The following BST1 variants were observed in gnomAD, a reference collection of about 807,000 sequenced individuals.
BST1 encodes bone marrow stromal cell antigen 1, also known as ADP-ribosyl cyclase/cyclic ADP-ribose hydrolase 2.
BST1 carries 49 observed loss-of-function variants against 40.6 expected under a neutral mutation model. The observed-to-expected ratio is 1.21, with a 90% CI of 0.96 to 1.53. The LOEUF is 1.53. Ranked by LOEUF, BST1 falls within the 40% of genes most tolerant of loss-of-function variation. The pLI is 0.00. For missense variants in BST1, 423 were observed against 395.9 expected, an observed-to-expected ratio of 1.07 and a Z score of -0.58; for synonymous variants, 157 against 159.3, an observed-to-expected ratio of 0.99 and a Z score of 0.11.
At chr4:15,729,929 G>A (rs1261370034) in intron 8 of BST1, among the ~76,000 whole-genome samples, 3 of 152,140 alleles carry the variant, frequency 2.0e-5, no homozygotes, top group Non-Finnish European at 4.4e-5. Flanking sequence ...AAAAGATGAA[G>A]GGAGGCTGTC....
the BST1 span, among the ~76,000 whole-genome samples, chr4:15,763,577 GA>G: frequency 6.6e-6 from 1 of 151,762 alleles, no homozygotes; most frequent in Non-Finnish European, 1.5e-5. Context: ...ACTTTGCTTT[GA>G]TTACTAATTA....
chr4:15,767,947 T>C, the BST1 span, among the ~76,000 whole-genome samples: 1 of 152,208 alleles, frequency 6.6e-6, no homozygotes, highest in African/African-American at 2.4e-5. Flanking sequence ...AGACTTCCTC[T>C]TGGCTCCCAG....
At chr4:15,739,915 C>CATTG (rs960610261), downstream of BST1, among the ~76,000 whole-genome samples, 10 of 151,180 alleles carry the variant, frequency 6.6e-5, no homozygotes, top group African/African-American at 2.4e-4. Flanking sequence ...GAGAGGGAGA[C>CATTG]ATTGACAGAG....
chr4:15,770,644 G>A, the BST1 span, among the ~76,000 whole-genome samples: 1 of 152,122 alleles, frequency 6.6e-6, no homozygotes, highest in African/African-American at 2.4e-5. Context: ...AGGTTGCGGT[G>A]AGCCGAGATT....
chr4:15,712,347 G>C (rs992811174), intron 4 of BST1, among the ~76,000 whole-genome samples: 1 of 152,158 alleles, frequency 6.6e-6, no homozygotes, highest in Admixed American at 6.5e-5. Context: ...ACACAGAAAT[G>C]GTCCCCTGAA....
the BST1 span, among the ~76,000 whole-genome samples, chr4:15,748,103 T>G: frequency 6.6e-6 from 1 of 152,332 alleles, no homozygotes; most frequent in Admixed American, 6.5e-5. Context: ...GAGAGTACCC[T>G]TTTATCAACT....
At chr4:15,738,547 T>C (rs1396327323), downstream of BST1, among the ~76,000 whole-genome samples, 1 of 152,070 alleles carries the variant, frequency 6.6e-6, no homozygotes, top group East Asian at 1.9e-4. Flanking sequence ...GATTTAAAAA[T>C]ATATGTTGGA....
chr4:15,768,169 C>T, the BST1 span, among the ~76,000 whole-genome samples: 8 of 152,216 alleles, frequency 5.3e-5, no homozygotes, highest in African/African-American at 1.9e-4. Context: ...AGTGATGCCA[C>T]TGAGATGCTG....
intron 6 of BST1, 36 bp from the exon 7 acceptor site, chr4:15,718,871 T>C (rs754971020): frequency 1.3e-6 from 2 of 1,572,810 alleles, no homozygotes; most frequent in Non-Finnish European, 1.7e-6. Flanking sequence ...CTCCTCTTAT[T>C]TGCTTACTTT....
chr4:15,707,680 G>A (rs779289665), intron 3 of BST1, 34 bp downstream of exon 3: 3 of 1,610,888 alleles, frequency 1.9e-6, no homozygotes, highest in South Asian at 1.1e-5. Context: ...GGAGACTTAA[G>A]AACTCCTATT....
In BST1 at chr4:15,711,387, T is replaced by G. The variant is rs528994340; in HGVS notation, c.452-420T>G. 3.0e-4 allele frequency among the ~76,000 whole-genome samples: 45 copies of G among 152,354 alleles called. 1 individual carries two copies. The highest frequency in any genetic ancestry group is 1.3e-3 in the Admixed American group (20 of 15,300). On this transcript the variant is annotated intron_variant, in intron 3 of 8. Coordinates refer to ENST00000265016, the MANE Select transcript of BST1 (RefSeq NM_004334.3). ...TCACTTTCTTAATCCTTTGTTTCCT[T>G]GCATTTACTACTAAGATAATGGCTA... is the stretch of plus-strand genomic sequence containing the variant.
At chr4:15,718,576 C>T (rs1720635913) in intron 6 of BST1, among the ~76,000 whole-genome samples, 1 of 152,092 alleles carries the variant, frequency 6.6e-6, no homozygotes. Context: ...AGCATTGTGT[C>T]GAGCCCCTGG....
At chr4:15,750,795 T>C in the BST1 span, among the ~76,000 whole-genome samples, 2 of 152,064 alleles carry the variant, frequency 1.3e-5, no homozygotes, top group African/African-American at 4.8e-5. Flanking sequence ...TAACATTAAT[T>C]GTAACTGGGT....
chr4:15,731,802 T>C lies in BST1; in HGVS notation c.914T>C (p.Ile305Thr), dbSNP rs370805725. The C allele has an allele frequency of 2.4e-5, 38 of 1,613,730 alleles. No homozygotes were observed. In the African/African-American group the frequency reaches 4.1e-4, roughly 18 times the overall value. ...TATACAGAACAAAGGGCGGGTCTTA[T>C]CATTCCCCTCTTTCTGGTGCTGGCT... ...SLYTEQRAGL[I>T]IPLFLVLASR... The change falls in exon 9 of 9, where the codon ATC (isoleucine) becomes ACC (threonine). Residue 305 changes from isoleucine (I) to threonine (T), a missense_variant. Transcript: ENST00000265016.
intron 8 of BST1, among the ~76,000 whole-genome samples, chr4:15,726,030 C>T (rs887047797): frequency 3.9e-4 from 53 of 136,452 alleles, no homozygotes; most frequent in South Asian, 3.4e-3. Flanking sequence ...GGCACAATCA[C>T]GGCTCACTGC....
At chr4:15,710,541 A>G (rs1720136684) in intron 3 of BST1, among the ~76,000 whole-genome samples, 1 of 152,040 alleles carries the variant, frequency 6.6e-6, no homozygotes, top group East Asian at 1.9e-4. Flanking sequence ...TATTCCTCCT[A>G]TGTAACTGTA....
the BST1 span, among the ~76,000 whole-genome samples, chr4:15,745,386 T>A: frequency 6.6e-6 from 1 of 152,234 alleles, no homozygotes; most frequent in Non-Finnish European, 1.5e-5. Context: ...AAGGAAAATG[T>A]ATTGTTTCAG....
In BST1 at chr4:15,705,579, G is replaced by T; in HGVS notation, c.253G>T (p.Val85Leu). ...GGCGCTGGACAAGGATCCCTGCTCC[G>T]TGCTGCCCTCAGACTATGACCTTTT... ...KVALDKDPCS[V>L]LPSDYDLFIN... Residue 85 changes from valine to leucine, a missense_variant, in exon 2 of 9, where the codon GTG (valine) becomes TTG (leucine). Physicochemically the swap from Val to Leu is conservative, Grantham distance 32. Transcript: ENST00000265016. 2.5e-6 allele frequency: 4 copies of T among 1,613,588 alleles called. No homozygotes were observed. Among genetic ancestry groups the T allele is most frequent in the South Asian group, 1.1e-5 (1 of 91,016 alleles).
downstream of BST1, among the ~76,000 whole-genome samples, chr4:15,740,096 G>A (rs960495425): frequency 2.6e-5 from 4 of 152,112 alleles, no homozygotes; most frequent in South Asian, 2.1e-4. Flanking sequence ...TTCTGTCACC[G>A]AGGCTGGAGT....
Sources: allele counts gnomAD v4.1 joint callset (sites outside exome capture counted in the v4.1 genomes callset), GRCh38; gene constraint gnomAD v4.1.1; transcripts MANE v1.5; gene names NCBI Gene and HGNC (gene_info 2026-07-23, HGNC 2026-07-21).